Variants in KIRREL1 observed in about 807,000 individuals in gnomAD.
KIRREL1 encodes the protein kin of IRRE-like protein 1.
In KIRREL1, 25 loss-of-function variants were observed where a neutral mutation model predicts 83.3. The ratio of observed to expected loss-of-function variants is 0.30; its 90% confidence interval spans 0.22 to 0.42. The LOEUF is 0.42. Among genes scored for constraint, KIRREL1 ranks in the 10% least tolerant of loss-of-function variants. The pLI is 1.00. For missense variants in KIRREL1, 812 were observed against 1,032.3 expected (o/e 0.79, Z 2.92); for synonymous variants, 388 against 410.4 (o/e 0.95, Z 0.66).
chr1:158,005,184 T>G (rs1659481795), intron 1 of KIRREL1, among the ~76,000 whole-genome samples: 1 of 152,144 alleles, frequency 6.6e-6, no homozygotes, highest in Admixed American at 6.5e-5. Context: ...ATGCTTTCCT[T>G]GGGGAAATAG....
At chr1:158,022,921 G>A (rs1660042754) in intron 1 of KIRREL1, among the ~76,000 whole-genome samples, 1 of 152,210 alleles carries the variant, frequency 6.6e-6, no homozygotes, top group Admixed American at 6.5e-5. Flanking sequence ...CAAATGAAGA[G>A]AGACCTGGGG....
intron 1 of KIRREL1, among the ~76,000 whole-genome samples, chr1:158,065,807 T>C (rs1661343201): frequency 2.2e-5 from 3 of 133,726 alleles, no homozygotes; most frequent in African/African-American, 8.5e-5. Flanking sequence ...AGCCCGGATT[T>C]CTGCCTGTGA....
chr1:158,036,940 G>A (rs562035570), intron 1 of KIRREL1, among the ~76,000 whole-genome samples: 4 of 152,312 alleles, frequency 2.6e-5, no homozygotes, highest in African/African-American at 7.2e-5. Context: ...GCCTTGGCGG[G>A]CAGGTCTGGA....
intron 1 of KIRREL1, among the ~76,000 whole-genome samples, chr1:158,038,579 C>T (rs1416262576): frequency 1.3e-5 from 2 of 149,976 alleles, no homozygotes; most frequent in South Asian, 2.1e-4. Context: ...CTTGCCTTGG[C>T]CCCCCCAAAA....
At position 158,087,802 on chromosome 1, in the gene KIRREL1, G is replaced by A; in HGVS notation, c.709G>A (p.Gly237Ser). 1 of 1,614,122 alleles carries A rather than the reference G, an allele frequency of 6.2e-7. No homozygotes were observed. Among genetic ancestry groups the A allele is most frequent in the Non-Finnish European group, 8.5e-7 (1 of 1,180,004 alleles). Residue 237 changes from glycine (G) to serine (S), a missense_variant, in exon 6 of 15, where the codon GGT (glycine) becomes AGT (serine). Physicochemically the swap from Gly to Ser is moderately conservative, Grantham distance 56 (BLOSUM62 0). Coordinates refer to ENST00000359209, the MANE Select transcript of KIRREL1 (RefSeq NM_018240.7). Reference protein sequence around the residue: ...LSIEPQTVQEGERVVFTCQAT... With the variant: ...LSIEPQTVQESERVVFTCQAT... ...CATTGAGCCACAGACGGTGCAGGAGGGTGAGCGTGTTGTCTTTACCTGCCA... is the reference window on the plus strand; with the variant it reads ...CATTGAGCCACAGACGGTGCAGGAGAGTGAGCGTGTTGTCTTTACCTGCCA...
At chr1:158,048,312 A>G (rs779571919) in intron 1 of KIRREL1, among the ~76,000 whole-genome samples, 50 of 152,204 alleles carry the variant, frequency 3.3e-4, no homozygotes, top group Non-Finnish European at 6.5e-4. Context: ...CCATTTTACA[A>G]TTGAGGAAAC....
At position 158,097,051 on chromosome 1, in the gene KIRREL1, G is replaced by A. The variant is rs992778653; in HGVS notation, c.*1931G>A. The A allele has an allele frequency of 2.2e-6, 1 of 456,842 alleles. No individual in the cohort carries two copies. The highest frequency in any genetic ancestry group is 4.4e-6 in the Non-Finnish European group (1 of 227,012). 28.3% of individuals were successfully genotyped at this position (456,842 alleles called of 1,614,324 possible). A position where few individuals can be genotyped will look rare whatever the true frequency, so the allele number is the denominator to read the frequency against. Reference sequence around the variant, plus strand: ...AGCTCTAATTTTAACTTCACAGGAAGTCTGTGCATCCTCCTTCATTTCAGC... The same window carrying A: ...AGCTCTAATTTTAACTTCACAGGAAATCTGTGCATCCTCCTTCATTTCAGC... On this transcript the variant is annotated 3_prime_UTR_variant, in exon 15 of 15. Coordinates refer to ENST00000359209, the MANE Select transcript of KIRREL1 (RefSeq NM_018240.7).
intron 1 of KIRREL1, among the ~76,000 whole-genome samples, chr1:158,047,303 G>T (rs1341087322): frequency 6.6e-6 from 1 of 152,162 alleles, no homozygotes; most frequent in African/African-American, 2.4e-5. Context: ...CTGGCTAATG[G>T]AAGAGAGCAA....
chr1:158,010,360 C>T (rs1659641862), intron 1 of KIRREL1, among the ~76,000 whole-genome samples: 1 of 135,830 alleles, frequency 7.4e-6, no homozygotes, highest in South Asian at 2.3e-4. Flanking sequence ...CACACACACA[C>T]ACCCCACACA....
rs1409932929 is a variant in KIRREL1, at chr1:158,095,955, T to A, written c.*835T>A. 6.4e-6 allele frequency: 1 copy of A among 155,088 alleles called. No individual in the cohort carries two copies. Among genetic ancestry groups the A allele is most frequent in the Non-Finnish European group, 1.4e-5 (1 of 70,216 alleles). 9.6% of individuals were successfully genotyped at this position (155,088 alleles called of 1,614,324 possible). A position where few individuals can be genotyped will look rare whatever the true frequency, so the allele number is the denominator to read the frequency against. ...AACACTAGAGGGAGCCACACAAGCC[T>A]CCTCTCCCCAGTCTGCCCCACTTCC... On this transcript the variant is annotated 3_prime_UTR_variant, in exon 15 of 15. Coordinates refer to ENST00000359209, the MANE Select transcript of KIRREL1 (RefSeq NM_018240.7).
At chr1:158,078,644 TC>T (rs1661756297) in intron 3 of KIRREL1, among the ~76,000 whole-genome samples, 1 of 150,990 alleles carries the variant, frequency 6.6e-6, no homozygotes, top group Non-Finnish European at 1.5e-5. Context: ...CCCTCAGTGC[TC>T]ACCCTTCCTC....
At chr1:158,014,385 C>A (rs1477163118) in intron 1 of KIRREL1, among the ~76,000 whole-genome samples, 1 of 152,124 alleles carries the variant, frequency 6.6e-6, no homozygotes, top group African/African-American at 2.4e-5. Context: ...AAGCCAGGAA[C>A]AAAAACCATT....
intron 2 of KIRREL1, 126 bp from the exon 3 acceptor site, chr1:158,077,865 C>T: frequency 9.1e-7 from 1 of 1,095,052 alleles, no homozygotes; most frequent in South Asian, 1.5e-5. Flanking sequence ...GTGTCTGTGT[C>T]TGGGGCCTCA....
intron 3 of KIRREL1, among the ~76,000 whole-genome samples, chr1:158,081,849 C>T (rs559547916): frequency 7.2e-5 from 11 of 152,206 alleles, no homozygotes; most frequent in Admixed American, 7.2e-4. Context: ...GGAGGCATTC[C>T]CAGGGTAGAG....
At chr1:158,054,895 T>A (rs1661009948) in intron 1 of KIRREL1, among the ~76,000 whole-genome samples, 1 of 152,162 alleles carries the variant, frequency 6.6e-6, no homozygotes, top group African/African-American at 2.4e-5. Context: ...AAGTTCCTGA[T>A]CTTGACAAGT....
chr1:158,066,267 A>G (rs1661355584), intron 1 of KIRREL1, among the ~76,000 whole-genome samples: 2 of 151,584 alleles, frequency 1.3e-5, no homozygotes, highest in Admixed American at 6.6e-5. Context: ...GGCCTTTCCT[A>G]CCTACCTCCA....
intron 1 of KIRREL1, among the ~76,000 whole-genome samples, chr1:158,010,119 A>G (rs888878741): frequency 1.1e-4 from 16 of 152,114 alleles, no homozygotes; most frequent in African/African-American, 2.7e-4. Flanking sequence ...GTAAGAGTTC[A>G]TGAAAAGGAC....
chr1:158,035,265 G>T (rs1046553076), intron 1 of KIRREL1, among the ~76,000 whole-genome samples: 10 of 152,174 alleles, frequency 6.6e-5, no homozygotes, highest in Non-Finnish European at 1.5e-4. Context: ...TGGGACTAGG[G>T]CCCCAGGCAG....
chr1:158,000,334 T>C (rs1659326788), intron 1 of KIRREL1, among the ~76,000 whole-genome samples: 1 of 152,240 alleles, frequency 6.6e-6, no homozygotes, highest in Non-Finnish European at 1.5e-5. Flanking sequence ...GTGAGTCATT[T>C]TTCTTCCAGC....
Sources: gnomAD v4.1 joint callset for allele counts (sites outside exome capture counted in the v4.1 genomes callset) on GRCh38, gnomAD v4.1.1 for gene constraint, MANE v1.5 for transcripts, NCBI Gene and HGNC (gene_info 2026-07-23, HGNC 2026-07-21) for gene names.